The following DMD variants were observed in gnomAD, a reference collection of about 807,000 sequenced individuals.
DMD encodes mutant dystrophin.
Under a neutral mutation model 330.1 loss-of-function variants are expected in DMD, and 63 were observed. That is an observed-to-expected ratio of 0.19 (90% CI 0.16 to 0.24). The LOEUF is 0.24. Ranked by LOEUF, DMD falls within the 10% of genes least tolerant of loss-of-function variation. The pLI is 1.00. For missense variants in DMD, 3,344 were observed against 2,684.1 expected, an observed-to-expected ratio of 1.25 and a Z score of -5.43; for synonymous variants, 1,223 against 959.8, an observed-to-expected ratio of 1.27 and a Z score of -5.07.
At chrX:31,393,703 C>T (rs1329526363) in intron 60 of DMD, among the ~76,000 whole-genome samples, 1 of 111,007 alleles carries the variant, frequency 9.0e-6, no homozygotes, top group Non-Finnish European at 1.9e-5. Context: ...TGAGCGAGTG[C>T]TATTATTACT....
chrX:31,269,135 A>G (rs757430260), intron 62 of DMD, among the ~76,000 whole-genome samples: 14 of 111,882 alleles, frequency 1.3e-4, no homozygotes, highest in Non-Finnish European at 1.9e-4. Context: ...ATAATTAAAT[A>G]CTGAAAGTAT....
At chrX:33,047,002 T>A (rs1038608133) in intron 1 of DMD, among the ~76,000 whole-genome samples, 11 of 112,498 alleles carry the variant, frequency 9.8e-5, no homozygotes, top group African/African-American at 3.2e-4. Context: ...ATGTGCCACC[T>A]ACTAAACACT....
At chrX:31,397,810 AGCATAGGAACT>A (rs1241870739) in intron 60 of DMD, among the ~76,000 whole-genome samples, 2 of 112,076 alleles carry the variant, frequency 1.8e-5, no homozygotes, top group Admixed American at 1.9e-4. Context: ...TTTGGAGAAA[AGCATAGGAACT>A]GCACATAATG....
intron 29 of DMD, among the ~76,000 whole-genome samples, chrX:32,425,682 A>G (rs2098209573): frequency 9.0e-6 from 1 of 111,498 alleles, no homozygotes; most frequent in Non-Finnish European, 1.9e-5. Flanking sequence ...ATATTTAATG[A>G]GAGAAGGAGC....
intron 2 of DMD, among the ~76,000 whole-genome samples, chrX:32,906,142 G>A (rs896720104): frequency 8.9e-6 from 1 of 111,795 alleles, no homozygotes; most frequent in African/African-American, 3.3e-5. Flanking sequence ...GGGCCTGGTG[G>A]CAGGTGATTG....
chrX:33,218,541 A>T (rs1464751334), intron 1 of DMD, among the ~76,000 whole-genome samples: 2 of 104,643 alleles, frequency 1.9e-5, no homozygotes, highest in African/African-American at 7.9e-5. Context: ...ACTTTTTTTA[A>T]AAAAAAAATA....
At chrX:31,195,237 T>A (rs1020360294) in intron 67 of DMD, among the ~76,000 whole-genome samples, 3 of 111,594 alleles carry the variant, frequency 2.7e-5, no homozygotes, top group African/African-American at 9.8e-5. Context: ...ACATGGTGAT[T>A]ATCCACTCTT....
At chrX:31,822,653 G>GGTGGGTGTGTGTGTGTGTGTGT (rs1556919108) in intron 49 of DMD, among the ~76,000 whole-genome samples, 1 of 65,809 alleles carries the variant, frequency 1.5e-5, no homozygotes, top group Non-Finnish European at 2.6e-5. Context: ...AAGGCAGAGG[G>GGTGGGTGTGTGTGTGTGTGTGT]GTGTGTGTGT....
chrX:33,119,487 CA>C, intron 1 of DMD, among the ~76,000 whole-genome samples: 1 of 112,181 alleles, frequency 8.9e-6, no homozygotes, highest in Middle Eastern at 4.6e-3. Context: ...AGTGTATATT[CA>C]GTGGCGATCA....
In DMD at chrX:32,027,183, C is replaced by CAG. The variant is rs1557075867; in HGVS notation, c.6439-58671_6439-58670dup. 1.3e-4 allele frequency among the ~76,000 whole-genome samples: 13 copies of CAG among 97,522 alleles called. No individual in the cohort carries two copies. In the East Asian group the frequency reaches 1.4e-3, roughly 10 times the overall value. 84.7% of individuals were successfully genotyped at this position (97,522 alleles called of 115,157 possible). A position where few individuals can be genotyped will look rare whatever the true frequency, so the allele number is the denominator to read the frequency against. On this transcript the variant is annotated intron_variant, in intron 44 of 78. Coordinates refer to ENST00000357033, the MANE Select transcript of DMD (RefSeq NM_004006.3). ...GCACGTGCACACACACACACACACA[C>CAG]AGAGAGAGAGAGAGAGAGAGAGAAG...
chrX:32,955,004 C>T (rs889205091), intron 2 of DMD, among the ~76,000 whole-genome samples: 3 of 111,750 alleles, frequency 2.7e-5, no homozygotes, highest in Non-Finnish European at 3.8e-5. Context: ...AATGAACATA[C>T]GTGTGCATGT....
At chrX:31,248,896 C>T (rs1002192570) in intron 63 of DMD, among the ~76,000 whole-genome samples, 9 of 111,679 alleles carry the variant, frequency 8.1e-5, no homozygotes, top group East Asian at 2.8e-4. Flanking sequence ...GTTCCAACTC[C>T]GCCTTGATGC....
In DMD at chrX:31,543,078, T is replaced by C. The variant is rs185022924; in HGVS notation, c.8218-35625A>G. Among the ~76,000 whole-genome samples, 619 of 112,344 alleles carry C rather than the reference T, an allele frequency of 5.5e-3. 1 individual carries two copies. Among genetic ancestry groups the C allele is most frequent in the African/African-American group, 0.019 (584 of 31,016 alleles). On this transcript the variant is annotated intron_variant, in intron 55 of 78. Coordinates refer to ENST00000357033, the MANE Select transcript of DMD (RefSeq NM_004006.3). ...CATTCCCCTTTGGGCTGGCTGAATA[T>C]CTTCAGGAGGGCAACCTCGGCAATT...
intron 1 of DMD, among the ~76,000 whole-genome samples, chrX:33,131,256 G>T (rs1199976325): frequency 9.0e-6 from 1 of 110,981 alleles, no homozygotes; most frequent in African/African-American, 3.3e-5. Context: ...TAGACCCGTG[G>T]TTCTCCAACT....
intron 16 of DMD, among the ~76,000 whole-genome samples, chrX:32,557,504 C>T (rs1214135672): frequency 9.0e-6 from 1 of 111,709 alleles, no homozygotes; most frequent in South Asian, 3.7e-4. Flanking sequence ...CTTTTCATTG[C>T]GTTGTCTGTC....
intron 60 of DMD, among the ~76,000 whole-genome samples, chrX:31,369,971 G>A (rs1314392407): frequency 9.2e-6 from 1 of 109,157 alleles, no homozygotes; most frequent in South Asian, 4.0e-4. Flanking sequence ...TGGTGGTGGA[G>A]GCCTGTAGTC....
At chrX:32,589,037 G>A (rs1051380287) in intron 13 of DMD, among the ~76,000 whole-genome samples, 3 of 111,726 alleles carry the variant, frequency 2.7e-5, no homozygotes, top group Admixed American at 9.5e-5. Flanking sequence ...GAAAGATCTG[G>A]GCAGAAGACA....
chrX:32,975,353 T>G (rs1030057825), intron 2 of DMD, among the ~76,000 whole-genome samples: 4 of 102,808 alleles, frequency 3.9e-5, no homozygotes, highest in Admixed American at 1.1e-4. Flanking sequence ...ATGCTTTTTT[T>G]TTTTTTTTTT....
At chrX:31,947,825 C>T (rs2095107798) in intron 45 of DMD, among the ~76,000 whole-genome samples, 1 of 107,163 alleles carries the variant, frequency 9.3e-6, no homozygotes, top group Non-Finnish European at 1.9e-5. Context: ...TTTGCTCATG[C>T]CCCCTTCATT....
Sources: allele counts gnomAD v4.1 joint callset (sites outside exome capture counted in the v4.1 genomes callset), GRCh38; gene constraint gnomAD v4.1.1; transcripts MANE v1.5; gene names NCBI Gene and HGNC (gene_info 2026-07-23, HGNC 2026-07-21).